ZNF487: variants seen among roughly 807,000 people sequenced by gnomAD.
ZNF487 encodes the protein KRAB domain only 1.
In ZNF487, 4 loss-of-function variants were observed where a neutral mutation model predicts 3.0. The observed-to-expected ratio is 1.35, with a 90% CI of 0.66 to 3.08. The LOEUF (loss-of-function observed/expected upper bound fraction) is 3.08. ZNF487 is among the 30% of genes most tolerant of loss of function. The pLI, the probability that ZNF487 is intolerant of heterozygous loss-of-function variation, is 0.01. For synonymous variants in ZNF487, 55 were observed against 34.6 expected (o/e 1.59, Z -2.06); for missense variants, 146 against 98.7 (o/e 1.48, Z -2.03).
At chr10:43,473,855 A>T (rs1840994275) in intron 1 of ZNF487, among the ~76,000 whole-genome samples, 1 of 151,882 alleles carries the variant, frequency 6.6e-6, no homozygotes, top group Admixed American at 6.6e-5. Context: ...GTGAGACCCC[A>T]TTTCTCCAAA....
the ZNF487 span, among the ~76,000 whole-genome samples, chr10:43,509,572 CTTCCAAAAGGATTAG>C: frequency 6.6e-6 from 1 of 151,810 alleles, no homozygotes; most frequent in Non-Finnish European, 1.5e-5. Flanking sequence ...ACCAGTCCAA[CTTCCAAAAGGATTAG>C]TTCCAAAAGG....
At chr10:43,496,947 C>T in the ZNF487 span, among the ~76,000 whole-genome samples, 3 of 152,088 alleles carry the variant, frequency 2.0e-5, no homozygotes, top group Admixed American at 6.6e-5. Context: ...GTAAAAGTGG[C>T]CTAGAATAAT....
At chr10:43,457,086 C>A (rs745924954) in intron 1 of ZNF487, among the ~76,000 whole-genome samples, 1 of 152,126 alleles carries the variant, frequency 6.6e-6, no homozygotes, top group Non-Finnish European at 1.5e-5. Flanking sequence ...AAGATGAAAA[C>A]CACTGAACTC....
chr10:43,511,972 T>C, the ZNF487 span, among the ~76,000 whole-genome samples: 2 of 152,148 alleles, frequency 1.3e-5, no homozygotes, highest in East Asian at 1.9e-4. Context: ...AGCCAAACCA[T>C]TGGCTACAGC....
At chr10:43,523,684 C>T in the ZNF487 span, 1 of 152,870 alleles carries the variant, frequency 6.5e-6, no homozygotes, top group Non-Finnish European at 1.5e-5. Context: ...CATGAGGAGG[C>T]AGCCTTCAGT....
chr10:43,439,360 G>A (rs1035495072), intron 1 of ZNF487, among the ~76,000 whole-genome samples: 4 of 151,982 alleles, frequency 2.6e-5, no homozygotes, highest in African/African-American at 7.3e-5. Flanking sequence ...TGATTGCACT[G>A]CTGTACTCCA....
At chr10:43,451,376 G>C (rs1196363833) in intron 1 of ZNF487, among the ~76,000 whole-genome samples, 7 of 151,604 alleles carry the variant, frequency 4.6e-5, no homozygotes, top group Admixed American at 4.0e-4. Context: ...CTCCTGAGTA[G>C]CTGGGATTAC....
At chr10:43,514,469 C>A in the ZNF487 span, among the ~76,000 whole-genome samples, 4 of 152,204 alleles carry the variant, frequency 2.6e-5, no homozygotes, top group South Asian at 8.3e-4. Context: ...TCAAATTAGA[C>A]TTTTGTCCCT....
At chr10:43,480,025 TTC>T (rs1491294108) in intron 3 of ZNF487, among the ~76,000 whole-genome samples, 2 of 72,538 alleles carry the variant, frequency 2.8e-5, no homozygotes, top group African/African-American at 6.6e-5. Flanking sequence ...CTTTCTTTCT[TTC>T]TTTCTTTCTT....
chr10:43,501,955 C>T, the ZNF487 span, among the ~76,000 whole-genome samples: 1 of 152,060 alleles, frequency 6.6e-6, no homozygotes, highest in Non-Finnish European at 1.5e-5. Context: ...TTGAAAGAAA[C>T]TAAATACTAC....
intron 1 of ZNF487, among the ~76,000 whole-genome samples, chr10:43,446,576 C>T (rs1285353539): frequency 1.4e-5 from 2 of 144,766 alleles, no homozygotes; most frequent in Non-Finnish European, 3.0e-5. Flanking sequence ...CGGGCAGAGG[C>T]GCTCCTCACA....
At chr10:43,453,480 A>T (rs1415701816) in intron 1 of ZNF487, 1 of 152,184 alleles carries the variant, frequency 6.6e-6, no homozygotes, top group Non-Finnish European at 1.5e-5. Context: ...TCATCCTGGG[A>T]ACACAGGCTA....
At chr10:43,454,902 C>T (rs993777379) in intron 1 of ZNF487, among the ~76,000 whole-genome samples, 1 of 142,218 alleles carries the variant, frequency 7.0e-6, no homozygotes, top group African/African-American at 2.7e-5. Context: ...TGCGCCACTA[C>T]ACTCCAGCCT....
chr10:43,450,426 C>T (rs1839966345), intron 1 of ZNF487, among the ~76,000 whole-genome samples: 1 of 152,046 alleles, frequency 6.6e-6, no homozygotes, highest in Admixed American at 6.6e-5. Flanking sequence ...GATATCGGCT[C>T]ACCACAACCT....
chr10:43,489,015 C>T, the ZNF487 span, among the ~76,000 whole-genome samples: 7 of 151,992 alleles, frequency 4.6e-5, no homozygotes, highest in African/African-American at 1.4e-4. Flanking sequence ...CCTGGCTACT[C>T]GGAAGAATCA....
the ZNF487 span, among the ~76,000 whole-genome samples, chr10:43,512,349 C>G: frequency 6.6e-6 from 1 of 152,142 alleles, no homozygotes; most frequent in African/African-American, 2.4e-5. Context: ...CTGCTCGAGC[C>G]TGATCACATA....
chr10:43,465,276 G>T (rs1335909394), intron 1 of ZNF487, among the ~76,000 whole-genome samples: 1 of 151,594 alleles, frequency 6.6e-6, no homozygotes, highest in Admixed American at 6.6e-5. Context: ...GGGGCGGCTG[G>T]CCTGGCGGGG....
At chr10:43,507,383 AC>A in the ZNF487 span, among the ~76,000 whole-genome samples, 5 of 152,190 alleles carry the variant, frequency 3.3e-5, no homozygotes, top group African/African-American at 1.2e-4. Flanking sequence ...TAAACATGGC[AC>A]CATGGATGCC....
At chr10:43,496,862 T>TG in the ZNF487 span, among the ~76,000 whole-genome samples, 1 of 152,030 alleles carries the variant, frequency 6.6e-6, no homozygotes, top group South Asian at 2.1e-4. Context: ...TTAGGTTCAG[T>TG]GGGGTACATG....
Sources: gnomAD v4.1 joint callset for allele counts (sites outside exome capture counted in the v4.1 genomes callset) on GRCh38, gnomAD v4.1.1 for gene constraint, MANE v1.5 for transcripts, NCBI Gene and HGNC (gene_info 2026-07-23, HGNC 2026-07-21) for gene names.